Variants in PSD4 observed in about 807,000 individuals in gnomAD.
PSD4 encodes pleckstrin and Sec7 domain containing 4.
In PSD4, 59 loss-of-function variants were observed where a neutral mutation model predicts 112.5. That is an observed-to-expected ratio of 0.52 (90% CI 0.43 to 0.65). The LOEUF is 0.65. Among genes scored for constraint, PSD4 ranks in the 30% least tolerant of loss-of-function variants. PSD4 has a pLI of 0.00. For synonymous variants in PSD4, 533 were observed against 540.0 expected (o/e 0.99, Z 0.18); for missense variants, 1,267 against 1,352.6 (o/e 0.94, Z 0.99).
intron 3 of PSD4, 45 bp downstream of exon 3, chr2:113,185,118 A>T (rs1385820177): frequency 2.5e-6 from 4 of 1,613,160 alleles, no homozygotes; most frequent in Non-Finnish European, 3.4e-6. Flanking sequence ...CCATCTTTGG[A>T]GGAGGAATAT....
intron 12 of PSD4, 65 bp downstream of exon 12, chr2:113,196,372 C>G (rs1443312175): frequency 6.5e-7 from 1 of 1,536,816 alleles, no homozygotes; most frequent in African/African-American, 1.4e-5. Context: ...GGACCTGTGC[C>G]GATGCATGCA....
At chr2:113,185,791 C>T in intron 4 of PSD4, 86 bp from the exon 5 acceptor site, 1 of 1,552,970 alleles carries the variant, frequency 6.4e-7, no homozygotes, top group Non-Finnish European at 8.7e-7. Flanking sequence ...GGGGAGGAGC[C>T]CCAGGGAGGG....
chr2:113,179,536 A>G (rs1366824415), intron 1 of PSD4, among the ~76,000 whole-genome samples: 9 of 152,230 alleles, frequency 5.9e-5, no homozygotes, highest in African/African-American at 1.9e-4. Flanking sequence ...GTAAAAGAAT[A>G]AAAGAATGGT....
In PSD4 at chr2:113,203,692, T is replaced by A. The variant is rs1474764269; in HGVS notation, c.*2277T>A. The stretch of plus-strand genomic sequence containing the variant: ...CTCCTGCCTCAGCCTCCCAAGTAGC[T>A]AGGATTACAGGCGTGTGCCACCACG... On this transcript the variant is annotated 3_prime_UTR_variant, in exon 17 of 17. Transcript: ENST00000245796. The A allele has an allele frequency of 6.6e-6, 1 of 150,434 alleles. No individual in the cohort carries two copies. The highest frequency in any genetic ancestry group is 2.0e-4 in the East Asian group (1 of 5,026). The allele number at this position is 150,434 out of a possible 1,614,324, so 9.3% of individuals were successfully genotyped here. A position where few individuals can be genotyped will look rare whatever the true frequency, so the allele number is the denominator to read the frequency against.
rs1454384276 is a variant in PSD4 at position 113,207,114 on chromosome 2, T to C, written c.*5699T>C. Reference sequence around the variant, plus strand: ...GTGCAAATATAGCAGAAAGTGACTCTCTGCTTCCTGGAAGTTTCAAACTCA... The same window carrying C: ...GTGCAAATATAGCAGAAAGTGACTCCCTGCTTCCTGGAAGTTTCAAACTCA... On this transcript the variant is annotated 3_prime_UTR_variant, in exon 17 of 17. Transcript: ENST00000245796. The C allele has an allele frequency of 2.0e-5, 3 of 152,198 alleles. No homozygotes were observed. Among genetic ancestry groups the C allele is most frequent in the African/African-American group, 7.2e-5 (3 of 41,442 alleles). 9.4% of individuals were successfully genotyped at this position (152,198 alleles called of 1,614,324 possible).
chr2:113,176,076 G>C (rs1400360770), intron 1 of PSD4, among the ~76,000 whole-genome samples: 1 of 152,224 alleles, frequency 6.6e-6, no homozygotes, highest in Non-Finnish European at 1.5e-5. Flanking sequence ...GGGCAAAGGA[G>C]GGTGGTCAGT....
At chr2:113,196,346 G>A (rs376246073) in intron 12 of PSD4, 39 bp downstream of exon 12, 345 of 1,589,142 alleles carry the variant, frequency 2.2e-4, no homozygotes, top group Non-Finnish European at 2.6e-4. Context: ...GGCGTGCTGG[G>A]AGCAGCCCTG....
Position 113,201,382 on chromosome 2 carries a change from G to A in PSD4, c.3138G>A (p.Lys1046=). ...TCTCAGAGCGCAGAACCTACCGGAAGATCATCCCTAAGCGGAACCGCAATC... is the reference window on the plus strand; with the variant it reads ...TCTCAGAGCGCAGAACCTACCGGAAAATCATCCCTAAGCGGAACCGCAATC... ...RNISERRTYR[K]IIPKRNRNQL The change falls in exon 17 of 17, where the codon AAG becomes AAA. Residue 1046 remains lysine, a synonymous_variant. Transcript: ENST00000245796. The A allele has an allele frequency of 6.2e-7, 1 of 1,614,104 alleles. No homozygotes were observed. Among genetic ancestry groups the A allele is most frequent in the Non-Finnish European group, 8.5e-7 (1 of 1,180,026 alleles).
At position 113,197,653 on chromosome 2, in the gene PSD4, C is replaced by G; in HGVS notation, c.2457+19C>G. On this transcript the variant is annotated intron_variant, in intron 13 of 16. Coordinates refer to ENST00000245796, the MANE Select transcript of PSD4 (RefSeq NM_012455.3). ...CCTGAAGGTAGGAAAGGAGCCAACA[C>G]CCCTGTCAGAATGGGAGACTGAGAG... The G allele has an allele frequency of 6.2e-7, 1 of 1,614,118 alleles. No homozygotes were observed. The highest frequency in any genetic ancestry group is 8.5e-7 in the Non-Finnish European group (1 of 1,179,986).
intron 6 of PSD4, 82 bp downstream of exon 6, chr2:113,192,671 C>A: frequency 7.1e-7 from 1 of 1,412,894 alleles, no homozygotes; most frequent in East Asian, 2.3e-5. Context: ...CACTGGCCAC[C>A]CTCCCCTTCC....
At chr2:113,192,013 C>G (rs3791341) in intron 5 of PSD4, among the ~76,000 whole-genome samples, 3 of 151,560 alleles carry the variant, frequency 2.0e-5, no homozygotes, top group Admixed American at 1.3e-4. Flanking sequence ...CAAGGAGGTA[C>G]AGGAGGACCA....
chr2:113,187,415 G>C (rs901269079), intron 5 of PSD4, among the ~76,000 whole-genome samples: 4 of 150,650 alleles, frequency 2.7e-5, no homozygotes, highest in African/African-American at 4.9e-5. Context: ...GCTGTAAGGG[G>C]GCTGAGAACA....
Position 113,201,477 on chromosome 2 carries a change from TGGA to T in PSD4, c.*67_*69del. 1 of 1,579,526 alleles carries T rather than the reference TGGA, an allele frequency of 6.3e-7. No individual in the cohort carries two copies. Among genetic ancestry groups the T allele is most frequent in the Non-Finnish European group, 8.6e-7 (1 of 1,161,714 alleles). On this transcript the variant is annotated 3_prime_UTR_variant, in exon 17 of 17. Transcript: ENST00000245796. ...AGGGTAGACCTGAGATGAACCTCCC[TGGA>T]GGAGACTTATTTCAATGAGTCCACC...
At chr2:113,198,157 T>A (rs1461445990) in intron 14 of PSD4, 1 of 471,962 alleles carries the variant, frequency 2.1e-6, no homozygotes, top group East Asian at 3.3e-5. Flanking sequence ...CTTTTCCTTG[T>A]CAGTGGGATA....
intron 5 of PSD4, among the ~76,000 whole-genome samples, chr2:113,189,768 T>C (rs1688400116): frequency 6.6e-6 from 1 of 152,248 alleles, no homozygotes; most frequent in Non-Finnish European, 1.5e-5. Flanking sequence ...TCATTAGTGA[T>C]GTTGAGCATT....
At position 113,196,099 on chromosome 2, in the gene PSD4, G is replaced by A. The variant is rs777601707; in HGVS notation, c.2226-48G>A. Reference sequence around the variant, plus strand: ...TCTGGGAGGCAATGGATACCTCCCAGTTCTCTTTGCATAGTCAGCACTTCC... The same window carrying A: ...TCTGGGAGGCAATGGATACCTCCCAATTCTCTTTGCATAGTCAGCACTTCC... On this transcript the variant is annotated intron_variant, in intron 11 of 16. Coordinates refer to ENST00000245796, the MANE Select transcript of PSD4 (RefSeq NM_012455.3). The A allele has an allele frequency of 3.2e-6, 5 of 1,583,264 alleles. No individual in the cohort carries two copies. In the African/African-American group the frequency reaches 6.7e-5, roughly 21 times the overall value.
intron 5 of PSD4, among the ~76,000 whole-genome samples, chr2:113,190,737 G>A (rs558945485): frequency 1.3e-5 from 2 of 152,286 alleles, no homozygotes; most frequent in South Asian, 4.1e-4. Context: ...TTATAGGCAT[G>A]AGCCACTGCA....
chr2:113,177,936 G>A (rs372246896), intron 1 of PSD4, among the ~76,000 whole-genome samples: 10 of 152,160 alleles, frequency 6.6e-5, no homozygotes, highest in Non-Finnish European at 1.0e-4. Flanking sequence ...AGTCATAGCC[G>A]GCCAGGTGCT....
At chr2:113,198,003 C>A in intron 14 of PSD4, 90 bp downstream of exon 14, 3 of 1,364,760 alleles carry the variant, frequency 2.2e-6, no homozygotes, top group Non-Finnish European at 2.9e-6. Flanking sequence ...GGCTTGTGGG[C>A]CCCAGGGGGT....
Sources: gnomAD v4.1 joint callset for allele counts (sites outside exome capture counted in the v4.1 genomes callset) on GRCh38, gnomAD v4.1.1 for gene constraint, MANE v1.5 for transcripts, NCBI Gene and HGNC (gene_info 2026-07-23, HGNC 2026-07-21) for gene names.